PDE6C: variants seen among roughly 807,000 people sequenced by gnomAD.
PDE6C encodes the protein phosphodiesterase 6C.
PDE6C carries 75 observed loss-of-function variants against 113.1 expected under a neutral mutation model. That is an observed-to-expected ratio of 0.66 (90% CI 0.55 to 0.80). The LOEUF is 0.80. PDE6C is among the 30% of genes least tolerant of loss of function. The probability of loss-of-function intolerance (pLI) is 0.00; values close to 1 mark genes in which losing one functional copy is unlikely to be tolerated. For synonymous variants in PDE6C, 375 were observed against 363.7 expected (o/e 1.03, Z -0.35); for missense variants, 912 against 1,038.6 (o/e 0.88, Z 1.67).
intron 4 of PDE6C, among the ~76,000 whole-genome samples, chr10:93,622,844 T>C (rs2058455278): frequency 6.6e-6 from 1 of 152,158 alleles, no homozygotes. Context: ...AATATTCCAC[T>C]GTATGGCAGG....
At chr10:93,625,789 T>A (rs1429135541) in intron 5 of PDE6C, 140 bp downstream of exon 5, 10 of 685,830 alleles carry the variant, frequency 1.5e-5, no homozygotes, top group Non-Finnish European at 2.7e-5. Flanking sequence ...GAGGTTCTAG[T>A]CCCAGCTATG....
chr10:93,648,952 C>T (rs1325562370), intron 15 of PDE6C, among the ~76,000 whole-genome samples: 3 of 152,134 alleles, frequency 2.0e-5, no homozygotes, highest in African/African-American at 7.2e-5. Context: ...TGTGTACTGG[C>T]ACTAGCAAGG....
At chr10:93,623,620 T>C (rs587034) in intron 4 of PDE6C, among the ~76,000 whole-genome samples, 143,145 of 152,244 alleles carry the variant, frequency 0.94, 67,921 homozygotes, top group East Asian at 1. Context: ...TAATCCATTT[T>C]GAGTTATTTT....
At position 93,640,937 on chromosome 10, in the gene PDE6C, G is replaced by A. The variant is rs45522236; in HGVS notation, c.1755G>A (p.Lys585=). ...FTLLMTGRLK[K]YYTDLEAFAM... ...TTTTTTAGACAGGAAGATTAAAGAAGTACTACACAGATCTCGAAGCCTTTG... is the reference window on the plus strand; with the variant it reads ...TTTTTTAGACAGGAAGATTAAAGAAATACTACACAGATCTCGAAGCCTTTG... The change falls in exon 14 of 22, where the codon AAG becomes AAA. Residue 585 remains lysine (K), a synonymous_variant. Coordinates refer to ENST00000371447, the MANE Select transcript of PDE6C (RefSeq NM_006204.4). 4.4e-6 allele frequency: 7 copies of A among 1,606,850 alleles called. No homozygotes were observed. In the South Asian group the frequency reaches 4.4e-5, roughly 10 times the overall value.
At chr10:93,646,070 C>T (rs1054125143) in intron 15 of PDE6C, 23 bp downstream of exon 15, 3 of 1,295,036 alleles carry the variant, frequency 2.3e-6, no homozygotes, top group Admixed American at 1.7e-5. Flanking sequence ...CTCTTTAGGA[C>T]AGCTAAACAC....
At chr10:93,622,167 A>G in intron 4 of PDE6C, 95 bp downstream of exon 4, 3 of 1,203,886 alleles carry the variant, frequency 2.5e-6, no homozygotes, top group Non-Finnish European at 3.7e-6. Context: ...TACACTATGT[A>G]AATAATTAGT....
Position 93,655,822 on chromosome 10 carries a change from G to C in PDE6C, c.1998G>C (p.Glu666Asp). Residue 666 changes from glutamate (E) to aspartate (D), a missense_variant, in exon 16 of 22, where the codon GAG (glutamate) becomes GAC (aspartate). Glu to Asp is a conservative substitution (Grantham distance 45). Transcript: ENST00000371447. ...TTGAAACAGTTATTCATTTGTTCGA[G>C]GTCGCAATAATAGCAACTGACCTGG... Reference protein sequence around the residue: ...RQFETVIHLFEVAIIATDLAL... With the variant: ...RQFETVIHLFDVAIIATDLAL... 6.2e-7 allele frequency: 1 copy of C among 1,608,270 alleles called. No homozygotes were observed. The highest frequency in any genetic ancestry group is 8.5e-7 in the Non-Finnish European group (1 of 1,174,740).
At chr10:93,630,611 C>T (rs2058496570) in intron 8 of PDE6C, among the ~76,000 whole-genome samples, 1 of 152,130 alleles carries the variant, frequency 6.6e-6, no homozygotes, top group African/African-American at 2.4e-5. Context: ...GCCCTGATCT[C>T]AGTCACAAAT....
chr10:93,640,228 T>C lies in PDE6C; in HGVS notation c.1629+12T>C. 2 of 1,609,456 alleles carry C rather than the reference T, an allele frequency of 1.2e-6. No homozygotes were observed. The highest frequency in any genetic ancestry group is 1.3e-5 in the African/African-American group (1 of 74,960). The stretch of plus-strand genomic sequence containing the variant: ...AAGTACCTGTAGAGGTCAGAGGGTA[T>C]TTAATTTAAAATACTGTGTGATTCT... On this transcript the variant is annotated intron_variant, in intron 12 of 21. Transcript: ENST00000371447.
intron 11 of PDE6C, among the ~76,000 whole-genome samples, chr10:93,637,909 T>C (rs1344402982): frequency 1.3e-5 from 2 of 152,136 alleles, no homozygotes; most frequent in Admixed American, 6.5e-5. Flanking sequence ...GGGCTCTGAG[T>C]GATATTATCC....
intron 11 of PDE6C, among the ~76,000 whole-genome samples, chr10:93,637,347 G>A (rs1168778226): frequency 2.0e-5 from 3 of 151,988 alleles, no homozygotes; most frequent in Non-Finnish European, 4.4e-5. Context: ...GGATATCAAG[G>A]CACAGTTTAT....
chr10:93,655,937 A>C (rs2058635922), intron 16 of PDE6C, 77 bp downstream of exon 16: 1 of 824,006 alleles, frequency 1.2e-6, no homozygotes, highest in African/African-American at 1.7e-5. Context: ...CTGTTGCATT[A>C]ATGTTAAAAG....
chr10:93,637,160 T>C (rs1351452237), intron 11 of PDE6C, 97 bp downstream of exon 11: 1 of 712,988 alleles, frequency 1.4e-6, no homozygotes, highest in Non-Finnish European at 2.5e-6. Flanking sequence ...AAGTAAATGT[T>C]GAGTTTTCTC....
chr10:93,634,028 CT>C (rs112584454), intron 8 of PDE6C, among the ~76,000 whole-genome samples: 112 of 145,428 alleles, frequency 7.7e-4, no homozygotes, highest in Admixed American at 6.2e-4. Context: ...ATTACTCTTT[CT>C]TTTTTTTTTT....
chr10:93,613,303 C>T (rs1363718355), intron 1 of PDE6C, 98 bp downstream of exon 1: 15 of 1,522,408 alleles, frequency 9.9e-6, no homozygotes, highest in Non-Finnish European at 1.3e-5. Context: ...ATTAGTTTGG[C>T]AATAACCGGG....
intron 15 of PDE6C, among the ~76,000 whole-genome samples, chr10:93,654,791 T>TTTCC (rs1173504035): frequency 5.9e-4 from 62 of 104,564 alleles, no homozygotes; most frequent in African/African-American, 1.8e-3. Context: ...TCTTTCTTTC[T>TTTCC]TTCTTTCTTT....
intron 18 of PDE6C, among the ~76,000 whole-genome samples, chr10:93,660,407 G>C (rs1050165195): frequency 6.6e-6 from 1 of 152,092 alleles, no homozygotes; most frequent in South Asian, 2.1e-4. Flanking sequence ...TAGCAAGGCC[G>C]ATTTGTTCAG....
intron 15 of PDE6C, among the ~76,000 whole-genome samples, chr10:93,650,985 T>G (rs568722468): frequency 2.0e-5 from 3 of 152,250 alleles, no homozygotes; most frequent in South Asian, 4.1e-4. Flanking sequence ...CCAGTACTTA[T>G]TGACTCTACA....
At position 93,632,447 on chromosome 10, in the gene PDE6C, G is replaced by C. The variant is rs1016491164; in HGVS notation, c.1120-2311G>C. Among the ~76,000 whole-genome samples the C allele has an allele frequency of 5.3e-5, 8 of 152,174 alleles. No homozygotes were observed. In the East Asian group the frequency reaches 1.5e-3, roughly 29 times the overall value. ...TAATTCACAGGAGGAAAAGTGTATA[G>C]AATTTCCTCAGTTTTTTGTCCTACT... On this transcript the variant is annotated intron_variant, in intron 8 of 21. Transcript: ENST00000371447.
Sources: gnomAD v4.1 joint callset for allele counts (sites outside exome capture counted in the v4.1 genomes callset) on GRCh38, gnomAD v4.1.1 for gene constraint, MANE v1.5 for transcripts, NCBI Gene and HGNC (gene_info 2026-07-23, HGNC 2026-07-21) for gene names.